Variants in SIRT3 observed in about 807,000 individuals in gnomAD.
SIRT3 encodes NAD-dependent protein deacetylase sirtuin-3, mitochondrial.
SIRT3 carries 26 observed loss-of-function variants against 33.5 expected under a neutral mutation model. The observed-to-expected ratio is 0.78, with a 90% CI of 0.57 to 1.08. SIRT3 has a LOEUF of 1.08. SIRT3 is among the 50% of genes least tolerant of loss of function. The probability of loss-of-function intolerance (pLI) is 0.00; values close to 1 mark genes in which losing one functional copy is unlikely to be tolerated. For synonymous variants in SIRT3, 237 were observed against 222.1 expected (o/e 1.07, Z -0.60); for missense variants, 585 against 530.1 (o/e 1.10, Z -1.02).
At chr11:234,356 C>A (rs1014826606) in intron 1 of SIRT3, among the ~76,000 whole-genome samples, 3 of 152,238 alleles carry the variant, frequency 2.0e-5, no homozygotes, top group Admixed American at 1.3e-4. Context: ...GACTACTCCT[C>A]ACACGCAGCC....
At chr11:236,346 G>A (rs753923266), upstream of SIRT3, 25 of 1,313,610 alleles carry the variant, frequency 1.9e-5, no homozygotes, top group Non-Finnish European at 2.3e-5. Flanking sequence ...GCAGTCCAAG[G>A]AGTCCTCCGG....
At chr11:235,748 T>G (rs1260512282) in intron 1 of SIRT3, among the ~76,000 whole-genome samples, 5 of 152,186 alleles carry the variant, frequency 3.3e-5, no homozygotes, top group African/African-American at 1.2e-4. Context: ...GCATATACTT[T>G]TGGACCTAGC....
chr11:231,338 A>G (rs1857975518), intron 3 of SIRT3, among the ~76,000 whole-genome samples: 1 of 152,116 alleles, frequency 6.6e-6, no homozygotes. Flanking sequence ...CCAGAGGCTG[A>G]GGCAAAAGGA....
In SIRT3 at chr11:233,384, C is replaced by T. The variant is rs141040051; in HGVS notation, c.432G>A (p.Val144=). The T allele has an allele frequency of 3.0e-5, 48 of 1,613,984 alleles. No individual in the cohort carries two copies. In the African/African-American group the frequency reaches 5.9e-4, roughly 20 times the overall value. The part of the protein sequence containing the change: ...ARACQRVVVM[V]GAGISTPSGI... Reference sequence around the variant, plus strand: ...CACTGGGTGTGCTGATGCCGGCCCCCACCATGACCACCACCCTCTGGCAGG... The same window carrying T: ...CACTGGGTGTGCTGATGCCGGCCCCTACCATGACCACCACCCTCTGGCAGG... Residue 144 remains valine, a synonymous_variant, in exon 2 of 7, where the codon GTG becomes GTA. Coordinates refer to ENST00000382743, the MANE Select transcript of SIRT3 (RefSeq NM_012239.6).
chr11:233,807 C>A, intron 1 of SIRT3: 1 of 350,542 alleles, frequency 2.9e-6, no homozygotes, highest in South Asian at 4.4e-5. Flanking sequence ...TCAGTAGGCA[C>A]TCAACTCTGA....
intron 4 of SIRT3, 77 bp from the exon 5 acceptor site, chr11:224,316 A>G: frequency 2.1e-6 from 3 of 1,460,276 alleles, no homozygotes; most frequent in Non-Finnish European, 2.8e-6. Context: ...AGTTCTTATT[A>G]AAGTCTCAAA....
intron 1 of SIRT3, among the ~76,000 whole-genome samples, chr11:235,079 T>C (rs1858770690): frequency 6.6e-6 from 1 of 151,422 alleles, no homozygotes; most frequent in African/African-American, 2.4e-5. Flanking sequence ...GGTTTCACCA[T>C]GTTGGCCCAG....
chr11:227,003 C>T lies in SIRT3; in HGVS notation c.808-2764G>A, dbSNP rs182759538. ...CCTGACCTCAGGCGATCCACCCACC[C>T]GGCCTCCCAAAGTACTGGGATTACG... On this transcript the variant is annotated intron_variant, in intron 4 of 6. Transcript: ENST00000382743. Among the ~76,000 whole-genome samples, 694 of 151,592 alleles carry T rather than the reference C, an allele frequency of 4.6e-3. 5 individuals carry two copies. The highest frequency in any genetic ancestry group is 6.3e-3 in the Non-Finnish European group (429 of 67,872).
Position 223,901 on chromosome 11 carries a change from CAG to C in SIRT3, c.969+175_969+176del. 1.8e-5 allele frequency: 7 copies of C among 397,020 alleles called. No homozygotes were observed. Among genetic ancestry groups the C allele is most frequent in the Non-Finnish European group, 1.9e-5 (4 of 214,350 alleles). The allele number at this position is 397,020 out of a possible 1,614,324, so 24.6% of individuals were successfully genotyped here. On this transcript the variant is annotated intron_variant, in intron 5 of 6. Coordinates refer to ENST00000382743, the MANE Select transcript of SIRT3 (RefSeq NM_012239.6). The surrounding 1 kb of genome is among the most constrained non-coding windows in gnomAD (Gnocchi z 4.8). ...TGTACCCCTCCCTTCCCCTGCCCTC[CAG>C]CCTCCTCCCTGCACAGGCCTGCCGA... is the stretch of plus-strand genomic sequence containing the variant.
Position 227,306 on chromosome 11 carries a change from C to T in SIRT3, c.808-3067G>A, listed in dbSNP as rs187558500. Among the ~76,000 whole-genome samples the T allele has an allele frequency of 6.3e-4, 95 of 151,390 alleles. 2 individuals carry two copies. In the East Asian group the frequency reaches 0.017, roughly 28 times the overall value. ...TACAAAAATTAGCTGGGCATGGTGG[C>T]GCATGCCTGCAATCCCAGCTACTCA... On this transcript the variant is annotated intron_variant, in intron 4 of 6. Coordinates refer to ENST00000382743, the MANE Select transcript of SIRT3 (RefSeq NM_012239.6).
intron 5 of SIRT3, 26 bp from the exon 6 acceptor site, chr11:219,067 G>A (rs1856051030): frequency 6.3e-7 from 1 of 1,584,458 alleles, no homozygotes; most frequent in South Asian, 1.1e-5. Flanking sequence ...AACGTGAGGG[G>A]CACAGTGTCC....
At position 226,750 on chromosome 11, in the gene SIRT3, TA is replaced by T. The variant is rs71464044; in HGVS notation, c.808-2512del. The stretch of plus-strand genomic sequence containing the variant: ...TTTCTTAAGGAAGGCCTACAATTAT[TA>T]TTATTATTTTTTTTTTTTTGAGATG... On this transcript the variant is annotated intron_variant, in intron 4 of 6. Transcript: ENST00000382743. 2.4e-3 allele frequency among the ~76,000 whole-genome samples: 201 copies of T among 85,018 alleles called. 6 individuals are homozygous for T. Among genetic ancestry groups the T allele is most frequent in the Middle Eastern group, 4.6e-3 (1 of 218 alleles). The allele number at this position is 85,018 out of a possible 152,430, so 55.8% of individuals were successfully genotyped here.
chr11:216,822 C>T, intron 6 of SIRT3, 104 bp from the exon 7 acceptor site: 2 of 1,258,278 alleles, frequency 1.6e-6, no homozygotes, highest in African/African-American at 1.5e-5. Flanking sequence ...CAAAATATTT[C>T]ACAAAACAAG....
chr11:217,842 G>C (rs950464678), intron 6 of SIRT3, among the ~76,000 whole-genome samples: 1 of 152,234 alleles, frequency 6.6e-6, no homozygotes, highest in East Asian at 1.9e-4. Context: ...ATCTCACCTT[G>C]AATTGTAATC....
intron 6 of SIRT3, among the ~76,000 whole-genome samples, chr11:217,047 C>A (rs1855754089): frequency 6.6e-6 from 1 of 152,200 alleles, no homozygotes; most frequent in African/African-American, 2.4e-5. Flanking sequence ...GAAATCATAA[C>A]CCATTTTACA....
chr11:234,836 G>A (rs1008654922), intron 1 of SIRT3, among the ~76,000 whole-genome samples: 8 of 152,118 alleles, frequency 5.3e-5, no homozygotes, highest in Non-Finnish European at 8.8e-5. Flanking sequence ...CACAGAATAA[G>A]AGCTCAGTCA....
intron 3 of SIRT3, among the ~76,000 whole-genome samples, chr11:232,772 C>T (rs574534891): frequency 6.6e-6 from 1 of 152,236 alleles, no homozygotes; most frequent in African/African-American, 2.4e-5. Flanking sequence ...CTTTAAACAC[C>T]CAGAGGACAT....
chr11:228,636 G>A (rs1422149476), intron 4 of SIRT3, among the ~76,000 whole-genome samples: 1 of 152,158 alleles, frequency 6.6e-6, no homozygotes, highest in Non-Finnish European at 1.5e-5. Flanking sequence ...AGAACTAAAT[G>A]TAAAAGCTTT....
intron 6 of SIRT3, among the ~76,000 whole-genome samples, chr11:218,140 C>CAAGAGAA (rs1296122704): frequency 6.6e-6 from 1 of 152,182 alleles, no homozygotes; most frequent in Non-Finnish European, 1.5e-5. Context: ...TTATGAGCAG[C>CAAGAGAA]CAGAGAACAG....
Sources: allele counts gnomAD v4.1 joint callset (sites outside exome capture counted in the v4.1 genomes callset), GRCh38; gene constraint gnomAD v4.1.1; non-coding constraint Gnocchi (gnomAD v3.1); transcripts MANE v1.5; gene names NCBI Gene and HGNC (gene_info 2026-07-23, HGNC 2026-07-21).